COPS9: variants seen among roughly 807,000 people sequenced by gnomAD.
The protein encoded by COPS9 is COP9 signalosome complex subunit 9.
A neutral mutation model predicts 7.2 loss-of-function variants in COPS9; 8 were observed. That is an observed-to-expected ratio of 1.11 (90% CI 0.65 to 2.00). The LOEUF (loss-of-function observed/expected upper bound fraction) is 2.00, where lower values mean the gene tolerates loss of function less well. Ranked by LOEUF, COPS9 falls within the 30% of genes most tolerant of loss-of-function variation. The pLI is 0.00. For missense variants in COPS9, 74 were observed against 77.7 expected, an observed-to-expected ratio of 0.95 and a Z score of 0.18; for synonymous variants, 39 against 28.7, an observed-to-expected ratio of 1.36 and a Z score of -1.14.
chr2:240,126,836 T>C, downstream of COPS9: 1 of 1,614,242 alleles, frequency 6.2e-7, no homozygotes, highest in Non-Finnish European at 8.5e-7. Context: ...ACAGCGGATG[T>C]TCTCTGCATC....
downstream of COPS9, chr2:240,126,689 G>A (rs554495423): frequency 2.9e-5 from 46 of 1,614,036 alleles, no homozygotes; most frequent in African/African-American, 4.5e-4. Flanking sequence ...TGCTGTCTTC[G>A]CTGACCTCTC....
chr2:240,126,897 GCT>G, downstream of COPS9: 2 of 1,614,042 alleles, frequency 1.2e-6, no homozygotes, highest in Non-Finnish European at 1.7e-6. Flanking sequence ...GCTCCCAAAC[GCT>G]CTGTCCAAAG....
At position 240,136,049 on chromosome 2, in the gene COPS9, C is replaced by G. The variant is rs1023555238; in HGVS notation, c.63+173G>C. On this transcript the variant is annotated intron_variant, in intron 1 of 2. Coordinates refer to ENST00000607357, the MANE Select transcript of COPS9 (RefSeq NM_001163424.2). ...GCCGCGGTCGGTCGCCGCCTTTCAC[C>G]AGGTGCTCGGAGAAACCGGGATTTG... is the stretch of plus-strand genomic sequence containing the variant. The G allele has an allele frequency of 3.6e-6, 4 of 1,098,950 alleles. No individual in the cohort carries two copies. In the African/African-American group the frequency reaches 6.7e-5, roughly 18 times the overall value. The allele number at this position is 1,098,950 out of a possible 1,614,324, so 68.1% of individuals were successfully genotyped here.
intron 2 of COPS9, among the ~76,000 whole-genome samples, chr2:240,131,638 G>A (rs911586101): frequency 3.3e-5 from 5 of 152,226 alleles, no homozygotes; most frequent in African/African-American, 1.2e-4. Context: ...CATTCTCACT[G>A]GAAGAAACGC....
chr2:240,130,226 T>C (rs1206245346), downstream of COPS9, among the ~76,000 whole-genome samples: 4 of 152,212 alleles, frequency 2.6e-5, no homozygotes, highest in African/African-American at 9.6e-5. Flanking sequence ...AGCAGGTCCC[T>C]CCACTGAGGG....
chr2:240,126,655 T>C, downstream of COPS9: 1 of 1,614,162 alleles, frequency 6.2e-7, no homozygotes, highest in Non-Finnish European at 8.5e-7. Context: ...CATTTACCCC[T>C]CCAGTGAGTA....
At chr2:240,135,883 T>C in intron 1 of COPS9, 1 of 277,628 alleles carries the variant, frequency 3.6e-6, no homozygotes. Context: ...CGGGCCCCCA[T>C]GGGGTGCTGC....
At chr2:240,134,074 G>C (rs963834678) in intron 1 of COPS9, 69 bp from the exon 2 acceptor site, 5 of 1,420,650 alleles carry the variant, frequency 3.5e-6, no homozygotes, top group Non-Finnish European at 5.0e-6. Context: ...GTGCATTGCA[G>C]GGCCACTACC....
chr2:240,126,656 C>G, downstream of COPS9: 2 of 1,614,228 alleles, frequency 1.2e-6, no homozygotes, highest in African/African-American at 1.3e-5. Context: ...ATTTACCCCT[C>G]CAGTGAGTAG....
At chr2:240,131,257 C>T (rs1206501005) in intron 2 of COPS9, among the ~76,000 whole-genome samples, 169 bp from the exon 3 acceptor site, 2 of 152,202 alleles carry the variant, frequency 1.3e-5, no homozygotes, top group African/African-American at 2.4e-5. Flanking sequence ...AACCAGGGCT[C>T]GTACATGTAG....
chr2:240,134,994 TGAAGCCTAG>T (rs59202099), intron 1 of COPS9, among the ~76,000 whole-genome samples: 99,773 of 151,480 alleles, frequency 0.66, 34,621 homozygotes, highest in African/African-American at 0.89. Context: ...CCTAGGACTG[TGAAGCCTAG>T]GACTGTAAAA....
chr2:240,133,506 G>A (rs1263120459), intron 2 of COPS9, among the ~76,000 whole-genome samples: 2 of 152,202 alleles, frequency 1.3e-5, no homozygotes, highest in Admixed American at 6.5e-5. Flanking sequence ...GGCAGCTGAG[G>A]GCATGAGAAC....
chr2:240,132,521 ATGCTCAGGT>A lies in COPS9; in HGVS notation c.136+1403_136+1411del, dbSNP rs2071933109. ...GCTCAAAGGCAGACACGCGCCCACA[ATGCTCAGGT>A]TGCTGGGCGCTCACCTGACGGGTAG... On this transcript the variant is annotated intron_variant, in intron 2 of 2. Coordinates refer to ENST00000607357, the MANE Select transcript of COPS9 (RefSeq NM_001163424.2). The surrounding 1 kb of genome is among the most constrained non-coding windows in gnomAD (Gnocchi z 4.1). Among the ~76,000 whole-genome samples the A allele has an allele frequency of 6.6e-6, 1 of 152,124 alleles. No homozygotes were observed. The highest frequency in any genetic ancestry group is 1.5e-5 in the Non-Finnish European group (1 of 68,024).
chr2:240,136,169 G>A (rs2071989078), intron 1 of COPS9, 53 bp downstream of exon 1: 1 of 1,322,200 alleles, frequency 7.6e-7, no homozygotes. Context: ...CCGCCCTTCC[G>A]CTCCCCCTTC....
At chr2:240,126,561 T>A, downstream of COPS9, 1 of 1,610,752 alleles carries the variant, frequency 6.2e-7, no homozygotes, top group Non-Finnish European at 8.5e-7. Flanking sequence ...CCTCTCTGCA[T>A]CCTACCTCAC....
chr2:240,135,864 G>A, intron 1 of COPS9: 1 of 152,578 alleles, frequency 6.6e-6, no homozygotes, highest in Non-Finnish European at 1.1e-5. Flanking sequence ...AGGTTATGGA[G>A]ACGCACCGCG....
intron 2 of COPS9, among the ~76,000 whole-genome samples, chr2:240,131,763 C>T (rs2071925376): frequency 1.3e-5 from 2 of 152,234 alleles, no homozygotes; most frequent in South Asian, 4.1e-4. Flanking sequence ...GCAATCATCA[C>T]TTTCACAATG....
downstream of COPS9, chr2:240,129,796 G>A: frequency 1.2e-6 from 1 of 842,026 alleles, no homozygotes; most frequent in Non-Finnish European, 1.9e-6. Context: ...GTGCACGCCT[G>A]GCCGCTGGAA....
At chr2:240,127,944 C>G (rs199832394), downstream of COPS9, among the ~76,000 whole-genome samples, 84 of 152,252 alleles carry the variant, frequency 5.5e-4, 1 homozygote, top group East Asian at 0.013. Context: ...CTCACACCCC[C>G]TCAAAAATCA....
Sources: allele counts gnomAD v4.1 joint callset (sites outside exome capture counted in the v4.1 genomes callset), GRCh38; gene constraint gnomAD v4.1.1; non-coding constraint Gnocchi (gnomAD v3.1); transcripts MANE v1.5; gene names NCBI Gene and HGNC (gene_info 2026-07-23, HGNC 2026-07-21).